Variants in CAST observed in about 807,000 individuals in gnomAD.
CAST encodes MIR583 host.
Under a neutral mutation model 119.6 loss-of-function variants are expected in CAST, and 76 were observed. The observed-to-expected ratio is 0.64, with a 90% CI of 0.53 to 0.77. The LOEUF (loss-of-function observed/expected upper bound fraction) is 0.77, where lower values mean the gene tolerates loss of function less well. CAST is among the 30% of genes least tolerant of loss of function. CAST has a pLI of 0.00. For missense variants in CAST, 953 were observed against 946.5 expected, an observed-to-expected ratio of 1.01 and a Z score of -0.09; for synonymous variants, 319 against 331.6, an observed-to-expected ratio of 0.96 and a Z score of 0.41.
the CAST span, among the ~76,000 whole-genome samples, chr5:96,480,590 G>T: frequency 1.3e-5 from 2 of 152,184 alleles, no homozygotes; most frequent in African/African-American, 4.8e-5. Context: ...CATCACCAGG[G>T]AAAGTGAGAT....
At chr5:96,473,866 GT>G in the CAST span, among the ~76,000 whole-genome samples, 2 of 152,162 alleles carry the variant, frequency 1.3e-5, no homozygotes, top group Non-Finnish European at 2.9e-5. Context: ...TACAGAAACT[GT>G]CCCAATGATG....
chr5:96,159,039 G>A, the CAST span, among the ~76,000 whole-genome samples: 5 of 152,104 alleles, frequency 3.3e-5, no homozygotes, highest in Non-Finnish European at 7.4e-5. Context: ...ACTGGAAAAA[G>A]GCAGAAGTCT....
At chr5:96,660,094 C>A (rs1020880806), upstream of CAST, among the ~76,000 whole-genome samples, 10 of 152,194 alleles carry the variant, frequency 6.6e-5, no homozygotes, top group African/African-American at 2.4e-4. Flanking sequence ...AGCTGCTCCA[C>A]AAACAATGAG....
At chr5:96,608,691 A>T (rs1170444995) in intron 1 of CAST, among the ~76,000 whole-genome samples, 1 of 152,158 alleles carries the variant, frequency 6.6e-6, no homozygotes. Context: ...GAGACTGGGT[A>T]ATTAATAAAG....
the CAST span, among the ~76,000 whole-genome samples, chr5:96,490,417 G>T: frequency 6.6e-6 from 1 of 151,792 alleles, no homozygotes; most frequent in African/African-American, 2.4e-5. Context: ...AATCCAAAAT[G>T]CATGTGAAAT....
the CAST span, among the ~76,000 whole-genome samples, chr5:96,119,899 C>T: frequency 9.9e-5 from 15 of 152,256 alleles, no homozygotes; most frequent in Admixed American, 5.2e-4. Flanking sequence ...ATAATCTCCA[C>T]GGCAGTCTGG....
the CAST span, among the ~76,000 whole-genome samples, chr5:96,348,605 C>T: frequency 6.6e-6 from 1 of 152,016 alleles, no homozygotes; most frequent in Non-Finnish European, 1.5e-5. Context: ...GGTTTATTTT[C>T]CCCCAGTAGA....
Position 96,740,773 on chromosome 5 carries a change from CA to C in CAST, c.909del (p.Asp304ThrfsTer6). 6.3e-7 allele frequency: 1 copy of C among 1,595,216 alleles called. No individual in the cohort carries two copies. Among genetic ancestry groups the C allele is most frequent in the Non-Finnish European group, 8.6e-7 (1 of 1,162,636 alleles). ...AKKEGITGPP[A>X]DSSKPIGPDD... ...AAGGAAGGGATCACAGGGCCTCCTG[CA>C]GACTCTTCGGTGAGTTTACATACAT... On this transcript the variant is annotated frameshift_variant, in exon 13 of 32. Coordinates refer to ENST00000675179, the MANE Select transcript of CAST (RefSeq NM_001750.7). LOFTEE classifies it high-confidence loss of function.
At chr5:96,114,048 C>A in the CAST span, among the ~76,000 whole-genome samples, 1 of 152,096 alleles carries the variant, frequency 6.6e-6, no homozygotes, top group African/African-American at 2.4e-5. Context: ...TTTTAAAGTA[C>A]CATTTTTCAA....
At chr5:96,149,802 G>A in the CAST span, among the ~76,000 whole-genome samples, 1 of 152,182 alleles carries the variant, frequency 6.6e-6, no homozygotes, top group Non-Finnish European at 1.5e-5. Flanking sequence ...TTCGCTGTCT[G>A]AGCCTCAGGC....
chr5:96,276,945 C>T, the CAST span, among the ~76,000 whole-genome samples: 1 of 152,100 alleles, frequency 6.6e-6, no homozygotes, highest in Non-Finnish European at 1.5e-5. Flanking sequence ...ATCATATGTA[C>T]CATTTTGCAA....
intron 3 of CAST, among the ~76,000 whole-genome samples, chr5:96,713,686 T>C (rs547591211): frequency 6.6e-6 from 1 of 152,094 alleles, no homozygotes; most frequent in South Asian, 2.1e-4. Context: ...CTCAAATTAG[T>C]GCTCAGGCTG....
At chr5:96,307,737 C>T in the CAST span, among the ~76,000 whole-genome samples, 1 of 152,162 alleles carries the variant, frequency 6.6e-6, no homozygotes, top group South Asian at 2.1e-4. Context: ...ATATGAAATT[C>T]TGGGTTGAAA....
chr5:96,728,020 G>A (rs62364722), intron 6 of CAST, among the ~76,000 whole-genome samples: 35,913 of 152,078 alleles, frequency 0.24, 4,987 homozygotes, highest in Non-Finnish European at 0.32. Flanking sequence ...AGTTACACAG[G>A]AGGCTAGCTT....
intron 1 of CAST, among the ~76,000 whole-genome samples, chr5:96,580,457 T>C (rs1175623220): frequency 2.6e-5 from 4 of 152,234 alleles, no homozygotes. Flanking sequence ...TTAACGTAAA[T>C]ACTGAAGTCA....
At chr5:96,299,838 A>AT in the CAST span, among the ~76,000 whole-genome samples, 1,863 of 152,038 alleles carry the variant, frequency 0.012, 43 homozygotes, top group African/African-American at 0.043. Context: ...TGATGATGTG[A>AT]TTTTTTTTGT....
chr5:96,431,693 G>A, the CAST span, among the ~76,000 whole-genome samples: 2 of 152,150 alleles, frequency 1.3e-5, no homozygotes, highest in Non-Finnish European at 2.9e-5. Context: ...AGTTGAGAAT[G>A]AAGCCTCTAG....
At chr5:96,174,953 G>T in the CAST span, among the ~76,000 whole-genome samples, 1 of 151,984 alleles carries the variant, frequency 6.6e-6, no homozygotes, top group Non-Finnish European at 1.5e-5. Context: ...TAGGCAAACT[G>T]ATATTAATAA....
chr5:96,402,298 C>T, the CAST span, among the ~76,000 whole-genome samples: 1 of 152,358 alleles, frequency 6.6e-6, no homozygotes, highest in African/African-American at 2.4e-5. Context: ...CCCATGCAGA[C>T]ACAGTGTGCA....
Sources: allele counts gnomAD v4.1 joint callset (sites outside exome capture counted in the v4.1 genomes callset), GRCh38; gene constraint gnomAD v4.1.1; transcripts MANE v1.5; gene names NCBI Gene and HGNC (gene_info 2026-07-23, HGNC 2026-07-21).